ZBED6: variants seen among roughly 807,000 people sequenced by gnomAD.
ZBED6 encodes zinc finger BED-type containing 6.
Under a neutral mutation model 58.4 loss-of-function variants are expected in ZBED6, and 40 were observed. The ratio of observed to expected loss-of-function variants is 0.68; its 90% confidence interval spans 0.53 to 0.89. The LOEUF is 0.89. Among genes scored for constraint, ZBED6 ranks in the 40% least tolerant of loss-of-function variants. ZBED6 has a pLI of 0.00. For missense variants in ZBED6, 1,057 were observed against 1,003.9 expected, an observed-to-expected ratio of 1.05 and a Z score of -0.71; for synonymous variants, 439 against 350.6, an observed-to-expected ratio of 1.25 and a Z score of -2.82.
chr1:203,830,616 T>C (rs1041496420), intron 7 of ZBED6, among the ~76,000 whole-genome samples: 1 of 152,002 alleles, frequency 6.6e-6, no homozygotes, highest in African/African-American at 2.4e-5. Flanking sequence ...ATCCAGACCA[T>C]CCTGGCCAAC....
chr1:203,821,282 CA>C (rs1678595207), intron 3 of ZBED6, among the ~76,000 whole-genome samples: 1 of 152,182 alleles, frequency 6.6e-6, no homozygotes, highest in African/African-American at 2.4e-5. Flanking sequence ...GAAGCCTCCC[CA>C]GCCATGCAGA....
At chr1:203,807,007 A>T (rs1027386040) in intron 1 of ZBED6, among the ~76,000 whole-genome samples, 1 of 151,564 alleles carries the variant, frequency 6.6e-6, no homozygotes, top group Non-Finnish European at 1.5e-5. Flanking sequence ...ACCCATTCCT[A>T]GTCCCAGAAT....
intron 1 of ZBED6, among the ~76,000 whole-genome samples, chr1:203,804,169 T>G (rs1478821935): frequency 7.3e-6 from 1 of 137,688 alleles, no homozygotes; most frequent in Admixed American, 8.1e-5. Context: ...TTTTTTTTTT[T>G]GAGACAGAGT....
At chr1:203,844,901 A>G (rs758244745) in intron 11 of ZBED6, among the ~76,000 whole-genome samples, 4 of 151,958 alleles carry the variant, frequency 2.6e-5, no homozygotes, top group African/African-American at 4.8e-5. Context: ...CTCCAGCCCC[A>G]ACATCTTCAT....
intron 3 of ZBED6, among the ~76,000 whole-genome samples, chr1:203,818,984 G>A (rs886276721): frequency 6.0e-5 from 9 of 151,042 alleles, no homozygotes; most frequent in South Asian, 4.2e-4. Context: ...CAGGAAAATC[G>A]CTCGAACCAG....
At chr1:203,834,005 T>A in intron 9 of ZBED6, 152 bp downstream of exon 9, 2 of 1,310,760 alleles carry the variant, frequency 1.5e-6, no homozygotes, top group East Asian at 2.9e-5. Context: ...CATGAGTGCA[T>A]TATACCTTTT....
At chr1:203,808,586 A>G (rs564335155) in intron 1 of ZBED6, among the ~76,000 whole-genome samples, 1 of 152,272 alleles carries the variant, frequency 6.6e-6, no homozygotes. Flanking sequence ...GTTTTCTGGA[A>G]TTATTTTCAT....
intron 1 of ZBED6, among the ~76,000 whole-genome samples, chr1:203,812,616 C>G (rs1016740367): frequency 5.7e-5 from 8 of 140,120 alleles, no homozygotes; most frequent in African/African-American, 1.9e-4. Context: ...GAGTCTCACT[C>G]TGTTGCCCAG....
In ZBED6 at chr1:203,851,615, C is replaced by T. The variant is rs775132422; in HGVS notation, c.*4873+491C>T. On this transcript the variant is annotated intron_variant, in intron 16 of 16. Transcript: ENST00000550078. ...AAAGTGCTGGGATTACAGGCATGAG[C>T]TACCATGCCCGGCCCCTGAAAGATG... Among the ~76,000 whole-genome samples, 3 of 152,288 alleles carry T rather than the reference C, an allele frequency of 2.0e-5. No homozygotes were observed. In the East Asian group the frequency reaches 5.8e-4, roughly 29 times the overall value.
intron 14 of ZBED6, 30 bp from the exon 15 acceptor site, chr1:203,850,484 CT>C: frequency 6.2e-7 from 1 of 1,613,472 alleles, no homozygotes; most frequent in Non-Finnish European, 8.5e-7. Context: ...TCTATTCTCA[CT>C]GCTTATCAGA....
chr1:203,826,025 T>C (rs143844899), intron 3 of ZBED6, among the ~76,000 whole-genome samples: 57 of 152,298 alleles, frequency 3.7e-4, no homozygotes, highest in Non-Finnish European at 7.1e-4. Flanking sequence ...ATTTGAAAAT[T>C]GCTTCCAGGA....
chr1:203,845,854 A>G (rs1394601332), intron 11 of ZBED6, among the ~76,000 whole-genome samples: 1 of 152,200 alleles, frequency 6.6e-6, no homozygotes, highest in Admixed American at 6.5e-5. Flanking sequence ...CAACAGAGCA[A>G]AACTCTGTCT....
At chr1:203,804,413 A>C (rs905009744) in intron 1 of ZBED6, among the ~76,000 whole-genome samples, 46 of 151,330 alleles carry the variant, frequency 3.0e-4, no homozygotes, top group Admixed American at 2.8e-3. Context: ...CGGCCTCCCA[A>C]AGTGCTAGGA....
At chr1:203,804,399 G>A (rs896177477) in intron 1 of ZBED6, among the ~76,000 whole-genome samples, 13 of 151,780 alleles carry the variant, frequency 8.6e-5, no homozygotes, top group African/African-American at 2.4e-4. Flanking sequence ...TGATCCGCCC[G>A]CCTCGGCCTC....
intron 1 of ZBED6, chr1:203,806,095 T>A: frequency 2.0e-6 from 1 of 501,174 alleles, no homozygotes; most frequent in Non-Finnish European, 3.9e-6. Flanking sequence ...CGTAATCATA[T>A]TCTTTGTAGG....
At position 203,851,128 on chromosome 1, in the gene ZBED6, A is replaced by G. The variant is rs758339079; in HGVS notation, c.*4873+4A>G. On this transcript the variant is annotated splice_donor_region_variant and intron_variant, in intron 16 of 16. Transcript: ENST00000550078. Reference sequence around the variant, plus strand: ...AAGCAGAAAATCCTAGAGACAGGTAATACTTTGTAATTCTTTCTAAACAAA... The same window carrying G: ...AAGCAGAAAATCCTAGAGACAGGTAGTACTTTGTAATTCTTTCTAAACAAA... 2.5e-6 allele frequency: 4 copies of G among 1,613,882 alleles called. No homozygotes were observed. The highest frequency in any genetic ancestry group is 1.7e-5 in the Admixed American group (1 of 59,990).
intron 11 of ZBED6, among the ~76,000 whole-genome samples, chr1:203,846,769 A>T (rs962656549): frequency 6.6e-6 from 1 of 152,232 alleles, no homozygotes; most frequent in African/African-American, 2.4e-5. Flanking sequence ...CTGAATAGAA[A>T]TACAAATCAA....
chr1:203,798,361 T>G (rs1558086847), exon 1 of ZBED6: 1 of 1,534,464 alleles, frequency 6.5e-7, no homozygotes, highest in African/African-American at 1.4e-5. Context: ...CCTCAGCACA[T>G]CTCAAGAGCT....
chr1:203,797,570 C>T (rs1180959279), exon 1 of ZBED6: 5 of 1,531,540 alleles, frequency 3.3e-6, no homozygotes, highest in African/African-American at 1.4e-5. Context: ...TCTCTCCTGG[C>T]AGAAGATGCA....
Sources: allele counts gnomAD v4.1 joint callset (sites outside exome capture counted in the v4.1 genomes callset), GRCh38; gene constraint gnomAD v4.1.1; transcripts MANE v1.5; gene names NCBI Gene and HGNC (gene_info 2026-07-23, HGNC 2026-07-21).